Variants in ANO2 observed in about 807,000 individuals in gnomAD.
The protein encoded by ANO2 is anoctamin-2.
In ANO2, 101 loss-of-function variants were observed where a neutral mutation model predicts 124.2. The ratio of observed to expected loss-of-function variants is 0.81; its 90% CI spans 0.69 to 0.96. ANO2 has a LOEUF of 0.96. Among genes scored for constraint, ANO2 ranks in the 40% least tolerant of loss-of-function variants. The pLI is 0.00. For synonymous variants in ANO2, 486 were observed against 482.5 expected, an observed-to-expected ratio of 1.01 and a Z score of -0.09; for missense variants, 1,293 against 1,274.5, an observed-to-expected ratio of 1.01 and a Z score of -0.22.
intron 4 of ANO2, among the ~76,000 whole-genome samples, chr12:5,832,931 T>C (rs762684923): frequency 6.6e-6 from 1 of 152,158 alleles, no homozygotes; most frequent in Non-Finnish European, 1.5e-5. Context: ...TGACACAAAT[T>C]AACTCCAATG....
intron 16 of ANO2, among the ~76,000 whole-genome samples, chr12:5,618,809 A>C (rs762131008): frequency 1.1e-4 from 17 of 152,192 alleles, no homozygotes; most frequent in Non-Finnish European, 2.4e-4. Context: ...TTCACTGAGC[A>C]AGGTCTCTGT....
At chr12:5,633,679 C>G (rs528350055) in intron 16 of ANO2, among the ~76,000 whole-genome samples, 1 of 152,184 alleles carries the variant, frequency 6.6e-6, no homozygotes, top group Non-Finnish European at 1.5e-5. Context: ...GCCCCGGCAC[C>G]GGGCTCCCCT....
At chr12:5,792,496 C>G (rs910717540) in intron 10 of ANO2, among the ~76,000 whole-genome samples, 5 of 152,160 alleles carry the variant, frequency 3.3e-5, no homozygotes. Flanking sequence ...TACCATGATT[C>G]AGTAAATCAC....
At chr12:5,645,060 C>G (rs1946561394) in intron 15 of ANO2, among the ~76,000 whole-genome samples, 1 of 152,052 alleles carries the variant, frequency 6.6e-6, no homozygotes, top group Non-Finnish European at 1.5e-5. Flanking sequence ...ACTTTTTCTG[C>G]CTGGGTTTCA....
intron 14 of ANO2, among the ~76,000 whole-genome samples, chr12:5,718,191 G>T (rs1950092113): frequency 6.6e-6 from 1 of 152,240 alleles, no homozygotes; most frequent in Non-Finnish European, 1.5e-5. Flanking sequence ...TCTTCAGAAT[G>T]TAAGGACATG....
chr12:5,593,228 T>C (rs1943497042), intron 20 of ANO2, among the ~76,000 whole-genome samples: 2 of 152,294 alleles, frequency 1.3e-5, no homozygotes, highest in South Asian at 4.2e-4. Context: ...CCCACAGTAA[T>C]AGCCCAAGGG....
chr12:5,879,718 G>A (rs1168192194), intron 3 of ANO2, among the ~76,000 whole-genome samples: 3 of 152,296 alleles, frequency 2.0e-5, no homozygotes, highest in African/African-American at 7.2e-5. Context: ...AGGGGCTGAA[G>A]GCAAGAAGCA....
At chr12:5,684,269 C>G (rs1948616979) in intron 14 of ANO2, among the ~76,000 whole-genome samples, 1 of 152,230 alleles carries the variant, frequency 6.6e-6, no homozygotes, top group Admixed American at 6.5e-5. Context: ...AACACCAGGA[C>G]TGCTGCTCCT....
chr12:5,657,806 T>C (rs959020935), intron 14 of ANO2, among the ~76,000 whole-genome samples: 1 of 130,800 alleles, frequency 7.6e-6, no homozygotes, highest in African/African-American at 2.6e-5. Flanking sequence ...TGCTATAAAT[T>C]TAGCCTCTCA....
At chr12:5,896,300 AG>A (rs1256015751) in intron 3 of ANO2, among the ~76,000 whole-genome samples, 1 of 152,210 alleles carries the variant, frequency 6.6e-6, no homozygotes, top group Non-Finnish European at 1.5e-5. Flanking sequence ...AAACAAAAAA[AG>A]TATATCTGTT....
At chr12:5,597,660 C>T (rs1049872765) in intron 20 of ANO2, among the ~76,000 whole-genome samples, 2 of 152,118 alleles carry the variant, frequency 1.3e-5, no homozygotes, top group African/African-American at 2.4e-5. Context: ...TAATTGGTGG[C>T]GACGGAAGTG....
chr12:5,810,924 G>A (rs1437303434), intron 7 of ANO2, among the ~76,000 whole-genome samples: 1 of 152,234 alleles, frequency 6.6e-6, no homozygotes, highest in Non-Finnish European at 1.5e-5. Flanking sequence ...TTAGGCCCCA[G>A]CATTGGTACC....
intron 10 of ANO2, among the ~76,000 whole-genome samples, chr12:5,762,828 T>G (rs1265789350): frequency 5.1e-5 from 7 of 137,668 alleles, no homozygotes. Context: ...TGATAAGAGA[T>G]AGCGAAAATT....
At chr12:5,584,553 G>A (rs1026481109) in intron 20 of ANO2, among the ~76,000 whole-genome samples, 4 of 152,202 alleles carry the variant, frequency 2.6e-5, no homozygotes, top group Admixed American at 6.5e-5. Flanking sequence ...GAAAGATTCC[G>A]CTAGAAACAG....
At chr12:5,912,483 A>C (rs1441279363) in intron 3 of ANO2, among the ~76,000 whole-genome samples, 1 of 152,102 alleles carries the variant, frequency 6.6e-6, no homozygotes, top group African/African-American at 2.4e-5. Flanking sequence ...GCTGAAGGTT[A>C]ATGTTTTCAT....
chr12:5,797,295 T>G (rs1256297906), intron 10 of ANO2, among the ~76,000 whole-genome samples: 2 of 151,870 alleles, frequency 1.3e-5, no homozygotes, highest in African/African-American at 4.8e-5. Context: ...GAAATGGTGC[T>G]GAAGAAGAAT....
Position 5,636,631 on chromosome 12 carries a change from C to T in ANO2, c.1621-1284G>A, listed in dbSNP as rs1450343134. On this transcript the variant is annotated intron_variant, in intron 15 of 24. Transcript: ENST00000682330. This position sits in a 1 kb window ranked among gnomAD's most constrained non-coding sequence, Gnocchi z 4.6. ...ACACACACACACACACACACACACA[C>T]ACACACACACACACACACGCATGCA... 6.7e-6 allele frequency among the ~76,000 whole-genome samples: 1 copy of T among 150,264 alleles called. No homozygotes were observed. The highest frequency in any genetic ancestry group is 2.5e-5 in the African/African-American group (1 of 40,798).
intron 15 of ANO2, among the ~76,000 whole-genome samples, chr12:5,638,923 G>A (rs1946187310): frequency 6.6e-6 from 1 of 152,082 alleles, no homozygotes; most frequent in East Asian, 1.9e-4. Context: ...AGACCTCTTC[G>A]CCACCCTCCG....
intron 14 of ANO2, among the ~76,000 whole-genome samples, chr12:5,729,922 T>C (rs1015655517): frequency 1.3e-5 from 2 of 152,232 alleles, no homozygotes; most frequent in African/African-American, 4.8e-5. Flanking sequence ...TATTCTATAA[T>C]ACCATTTACG....
Sources: allele counts gnomAD v4.1 joint callset (sites outside exome capture counted in the v4.1 genomes callset), GRCh38; gene constraint gnomAD v4.1.1; non-coding constraint Gnocchi (gnomAD v3.1); transcripts MANE v1.5; gene names NCBI Gene and HGNC (gene_info 2026-07-23, HGNC 2026-07-21).